MDGA2: variants seen among roughly 807,000 people sequenced by gnomAD.
MDGA2 encodes MAM domain containing glycosylphosphatidylinositol anchor 2, also known as MAM domain-containing glycosylphosphatidylinositol anchor protein 2.
Under a neutral mutation model 117.8 loss-of-function variants are expected in MDGA2, and 40 were observed. The observed-to-expected ratio is 0.34, with a 90% CI of 0.26 to 0.44. The LOEUF is 0.44. Ranked by LOEUF, MDGA2 falls within the 20% of genes least tolerant of loss-of-function variation. The pLI is 1.00. For synonymous variants in MDGA2, 452 were observed against 439.0 expected (o/e 1.03, Z -0.37); for missense variants, 1,123 against 1,250.6 (o/e 0.90, Z 1.54).
At chr14:47,115,285 T>C (rs1881266925) in intron 5 of MDGA2, among the ~76,000 whole-genome samples, 1 of 152,014 alleles carries the variant, frequency 6.6e-6, no homozygotes, top group Non-Finnish European at 1.5e-5. Context: ...TCATATATAC[T>C]TCAAATCTTA....
At chr14:46,907,205 T>C (rs962601869) in intron 10 of MDGA2, among the ~76,000 whole-genome samples, 71 of 152,222 alleles carry the variant, frequency 4.7e-4, no homozygotes, top group South Asian at 4.1e-4. Flanking sequence ...GTTGAACTCC[T>C]GACCTCGGGT....
chr14:47,627,226 C>G (rs1484216008), intron 1 of MDGA2, among the ~76,000 whole-genome samples: 1 of 151,856 alleles, frequency 6.6e-6, no homozygotes, highest in Non-Finnish European at 1.5e-5. Flanking sequence ...GTGAATGCAC[C>G]AATTGGCACT....
intron 6 of MDGA2, among the ~76,000 whole-genome samples, chr14:47,074,954 T>C (rs1329512174): frequency 6.6e-6 from 1 of 152,220 alleles, no homozygotes; most frequent in African/African-American, 2.4e-5. Flanking sequence ...AAATTTCTTA[T>C]ATCACTACTT....
intron 1 of MDGA2, among the ~76,000 whole-genome samples, chr14:47,329,198 T>C (rs1890227283): frequency 2.0e-5 from 3 of 152,220 alleles, no homozygotes; most frequent in Non-Finnish European, 4.4e-5. Flanking sequence ...CCTCAAAGTG[T>C]TGAGATTACA....
intron 1 of MDGA2, among the ~76,000 whole-genome samples, chr14:47,360,386 TAAA>T (rs1566754098): frequency 9.5e-5 from 12 of 125,680 alleles, no homozygotes; most frequent in African/African-American, 3.2e-4. Flanking sequence ...AATAAATAAA[TAAA>T]TAAAATAAAA....
intron 5 of MDGA2, among the ~76,000 whole-genome samples, chr14:47,130,405 T>C (rs567860809): frequency 8.9e-4 from 135 of 152,226 alleles, no homozygotes; most frequent in South Asian, 1.2e-3. Context: ...ACAATTTAAA[T>C]CTTAGCCAAA....
intron 2 of MDGA2, among the ~76,000 whole-genome samples, chr14:47,286,616 C>T (rs958571208): frequency 2.6e-5 from 4 of 151,686 alleles, no homozygotes; most frequent in Admixed American, 2.6e-4. Flanking sequence ...CACTACATGT[C>T]CATTATCCAT....
intron 1 of MDGA2, among the ~76,000 whole-genome samples, chr14:47,668,225 T>C (rs1401284836): frequency 6.6e-6 from 1 of 152,140 alleles, no homozygotes; most frequent in East Asian, 1.9e-4. Context: ...AAGAAACTGA[T>C]ATAGAAAAGC....
At chr14:47,514,949 A>T (rs1320326880) in intron 1 of MDGA2, among the ~76,000 whole-genome samples, 1 of 152,142 alleles carries the variant, frequency 6.6e-6, no homozygotes, top group Non-Finnish European at 1.5e-5. Context: ...GTGTAATTTA[A>T]GCCTAGTTAT....
chr14:46,939,145 T>C (rs1884902254), intron 9 of MDGA2, among the ~76,000 whole-genome samples: 1 of 152,114 alleles, frequency 6.6e-6, no homozygotes, highest in Admixed American at 6.6e-5. Flanking sequence ...TAGGGCAAGA[T>C]TTTTGAGAGA....
intron 4 of MDGA2, among the ~76,000 whole-genome samples, chr14:47,137,893 G>C (rs1045771945): frequency 6.6e-6 from 1 of 152,140 alleles, no homozygotes; most frequent in African/African-American, 2.4e-5. Flanking sequence ...TGAACCTAGA[G>C]GGCCCAGGTA....
chr14:46,848,801 C>T (rs1880944862), intron 15 of MDGA2, among the ~76,000 whole-genome samples: 1 of 151,926 alleles, frequency 6.6e-6, no homozygotes, highest in Non-Finnish European at 1.5e-5. Context: ...TACCTACTGG[C>T]AATATGTTGA....
At chr14:47,072,813 A>G (rs1053942825) in intron 6 of MDGA2, among the ~76,000 whole-genome samples, 3 of 152,196 alleles carry the variant, frequency 2.0e-5, no homozygotes, top group Admixed American at 1.3e-4. Context: ...GCAGGTCATC[A>G]GCTCACCCAG....
At chr14:47,594,032 A>G (rs1896491093) in intron 1 of MDGA2, among the ~76,000 whole-genome samples, 1 of 152,148 alleles carries the variant, frequency 6.6e-6, no homozygotes, top group Non-Finnish European at 1.5e-5. Context: ...AAAACTGTAG[A>G]AGTGCTAGGA....
chr14:47,034,395 A>G (rs1888766093), intron 8 of MDGA2, among the ~76,000 whole-genome samples: 2 of 152,210 alleles, frequency 1.3e-5, no homozygotes, highest in African/African-American at 2.4e-5. Flanking sequence ...GAGTAAAACA[A>G]TTACCCGCTA....
At chr14:47,521,696 G>C (rs542119727) in intron 1 of MDGA2, among the ~76,000 whole-genome samples, 1 of 152,030 alleles carries the variant, frequency 6.6e-6, no homozygotes, top group Admixed American at 6.6e-5. Flanking sequence ...TTTTGAGATG[G>C]AGTCTTACTC....
chr14:47,349,277 C>T (rs1890827524), intron 1 of MDGA2, among the ~76,000 whole-genome samples: 2 of 152,084 alleles, frequency 1.3e-5, no homozygotes, highest in East Asian at 1.9e-4. Flanking sequence ...GCCTCTTTTT[C>T]GTTTCTTAAA....
chr14:47,257,809 A>G (rs553829542), intron 2 of MDGA2, among the ~76,000 whole-genome samples: 1 of 152,098 alleles, frequency 6.6e-6, no homozygotes, highest in Non-Finnish European at 1.5e-5. Context: ...TTCTTTCCAG[A>G]GTGTTTTGTA....
intron 10 of MDGA2, among the ~76,000 whole-genome samples, chr14:46,886,667 C>G (rs182003705): frequency 5.3e-5 from 8 of 151,878 alleles, no homozygotes; most frequent in African/African-American, 1.7e-4. Context: ...TTGTGTAGGC[C>G]TGAAATGTTT....
Sources: gnomAD v4.1 joint callset for allele counts (sites outside exome capture counted in the v4.1 genomes callset) on GRCh38, gnomAD v4.1.1 for gene constraint, MANE v1.5 for transcripts, NCBI Gene and HGNC (gene_info 2026-07-23, HGNC 2026-07-21) for gene names.